Variants in UBA7 observed in about 807,000 individuals in gnomAD.
UBA7 encodes the protein ubiquitin-like modifier-activating enzyme 7.
Under a neutral mutation model 113.0 loss-of-function variants are expected in UBA7, and 88 were observed. The observed-to-expected ratio is 0.78, with a 90% confidence interval of 0.66 to 0.93. UBA7 has a LOEUF of 0.93. UBA7 is among the 40% of genes least tolerant of loss of function. The pLI, the probability that UBA7 is intolerant of heterozygous loss-of-function variation, is 0.00. For synonymous variants in UBA7, 459 were observed against 513.0 expected, an observed-to-expected ratio of 0.89 and a Z score of 1.42; for missense variants, 1,092 against 1,266.4, an observed-to-expected ratio of 0.86 and a Z score of 2.09.
At chr3:49,811,556 G>A (rs922553924) in intron 8 of UBA7, 101 bp from the exon 9 acceptor site, 21 of 1,482,966 alleles carry the variant, frequency 1.4e-5, no homozygotes, top group Admixed American at 6.4e-5. Flanking sequence ...CACAGAAGAG[G>A]AAGCAGAAGC....
Position 49,811,058 on chromosome 3 carries a change from A to G in UBA7, c.1156T>C (p.Trp386Arg). The G allele has an allele frequency of 1.2e-6, 2 of 1,614,096 alleles. No homozygotes were observed. The highest frequency in any genetic ancestry group is 1.7e-6 in the Non-Finnish European group (2 of 1,180,010). ...CAATCGAGGGCATCAAAGTAAAGCC[A>G]CTGGTCCAGAGGCATGAACTTCCTG... ...ISRKFMPLDQ[W>R]LYFDALDCLP... Residue 386 changes from tryptophan (W) to arginine (R), a missense_variant, in exon 10 of 24, where the codon TGG (tryptophan) becomes CGG (arginine). This residue lies in a region of UBA7 where 584 missense variants were observed against 714.5 expected (regional missense o/e 0.82). Transcript: ENST00000333486.
chr3:49,812,646 A>G lies in UBA7; in HGVS notation c.558+2T>C, dbSNP rs770405127. 1.2e-6 allele frequency: 2 copies of G among 1,614,150 alleles called. No homozygotes were observed. The highest frequency in any genetic ancestry group is 1.7e-6 in the Non-Finnish European group (2 of 1,180,022). On this transcript the variant is annotated splice_donor_variant, in intron 5 of 23. Transcript: ENST00000333486. LOFTEE classifies it high-confidence loss of function. ...GGTGAATGCCTACAGCTCAGCACCC[A>G]CCTGGGAGATGTGCTGGATGGCAGC... is the stretch of plus-strand genomic sequence containing the variant.
At chr3:49,805,803 C>G in intron 23 of UBA7, 94 bp downstream of exon 23, 1 of 1,247,062 alleles carries the variant, frequency 8.0e-7, no homozygotes, top group South Asian at 1.3e-5. Flanking sequence ...TGTGAGGGGC[C>G]CAGAATGGGG....
Position 49,811,306 on chromosome 3 carries a change from C to T in UBA7, c.1089G>A (p.Met363Ile). 6.2e-7 allele frequency: 1 copy of T among 1,614,188 alleles called. No homozygotes were observed. Among genetic ancestry groups the T allele is most frequent in the Non-Finnish European group, 8.5e-7 (1 of 1,180,022 alleles). ...CTTCCTGGGCAGCTACTGCACCCAG[C>T]ATGGCCACCATAGGGCTCAAGACAC... ...SAGVLSPMVA[M>I]LGAVAAQEVL... is the part of the protein sequence containing the mutation. Residue 363 changes from methionine (M) to isoleucine (I), a missense_variant, in exon 9 of 24, where the codon ATG (methionine) becomes ATA (isoleucine). Around this residue, in one of 3 missense-constraint regions of UBA7, gnomAD observed 584 missense variants for 714.5 expected, o/e 0.82. Coordinates refer to ENST00000333486, the MANE Select transcript of UBA7 (RefSeq NM_003335.3).
At chr3:49,808,948 C>A in intron 18 of UBA7, 28 bp downstream of exon 18, 1 of 1,606,694 alleles carries the variant, frequency 6.2e-7, no homozygotes, top group South Asian at 1.1e-5. Context: ...TGAAAGACAG[C>A]ATGAGGGGCC....
At chr3:49,812,945 A>T in intron 4 of UBA7, 117 bp downstream of exon 4, 4 of 1,290,784 alleles carry the variant, frequency 3.1e-6, no homozygotes, top group East Asian at 2.5e-5. Flanking sequence ...TCAGAAAGGC[A>T]TGCTGGGATA....
chr3:49,813,909 C>A lies in UBA7; in HGVS notation c.-122G>T, dbSNP rs774573918. 4.6e-6 allele frequency: 5 copies of A among 1,088,672 alleles called. No individual in the cohort carries two copies. The highest frequency in any genetic ancestry group is 2.3e-5 in the Admixed American group (1 of 43,382). 67.4% of individuals were successfully genotyped at this position (1,088,672 alleles called of 1,614,324 possible). A position where few individuals can be genotyped will look rare whatever the true frequency, so the allele number is the denominator to read the frequency against. On this transcript the variant is annotated 5_prime_UTR_variant, in exon 1 of 24. Transcript: ENST00000333486. ...AGTGCAAACAGGAACCAAGGCCAAGCGAATAAGGGACGCTGCTGGTCACAG... is the reference window on the plus strand; with the variant it reads ...AGTGCAAACAGGAACCAAGGCCAAGAGAATAAGGGACGCTGCTGGTCACAG...
chr3:49,809,077 G>T lies in UBA7; in HGVS notation c.2246C>A (p.Ala749Glu), dbSNP rs776921103. ...CAGCAGCTTCAGCAGCTCCCTGAGT[G>T]CAGTCCAGTCCTGTGAGCCAGGCAG... ...HGLPGSQDWT[A>E]LRELLKLLPQ... Residue 749 changes from alanine to glutamate, a missense_variant, in exon 18 of 24, where the codon GCA becomes GAA. Around this residue, in one of 3 missense-constraint regions of UBA7, gnomAD observed 500 missense variants for 529.3 expected, o/e 0.94. Coordinates refer to ENST00000333486, the MANE Select transcript of UBA7 (RefSeq NM_003335.3). 1 of 1,613,630 alleles carries T rather than the reference G, an allele frequency of 6.2e-7. No individual in the cohort carries two copies. The highest frequency in any genetic ancestry group is 1.3e-5 in the African/African-American group (1 of 74,922).
Position 49,806,122 on chromosome 3 carries a change from G to A in UBA7, c.2759C>T (p.Pro920Leu), listed in dbSNP as rs148396845. The change falls in exon 22 of 24, where the codon CCA becomes CTA. Residue 920 changes from proline (P) to leucine (L), a missense_variant. Physicochemically the swap from Pro to Leu is moderately conservative, Grantham distance 98. This residue lies in a region of UBA7 where 500 missense variants were observed against 529.3 expected (regional missense o/e 0.94). Transcript: ENST00000333486. Reference sequence around the variant, plus strand: ...CAGGGTCCTCTCAGGCTGCCCAGCTGGTACCTTCAGACGGTCCCAAGAGGT... The same window carrying A: ...CAGGGTCCTCTCAGGCTGCCCAGCTAGTACCTTCAGACGGTCCCAAGAGGT... Reference protein sequence around the residue: ...KWTSWDRLKVPAGQPERTLES... With the variant: ...KWTSWDRLKVLAGQPERTLES... 4.7e-5 allele frequency: 75 copies of A among 1,602,264 alleles called. No individual in the cohort carries two copies. The African/African-American group carries it at 8.8e-4, about 19-fold the overall frequency.
intron 17 of UBA7, 75 bp from the exon 18 acceptor site, chr3:49,809,234 T>C: frequency 6.5e-7 from 1 of 1,548,538 alleles, no homozygotes; most frequent in South Asian, 1.2e-5. Flanking sequence ...GTGGATCTGT[T>C]TGAGTGCCTG....
chr3:49,810,499 A>C lies in UBA7; in HGVS notation c.1467+18T>G, dbSNP rs771199427. 1 of 1,613,918 alleles carries C rather than the reference A, an allele frequency of 6.2e-7. No homozygotes were observed. Among genetic ancestry groups the C allele is most frequent in the Non-Finnish European group, 8.5e-7 (1 of 1,179,986 alleles). On this transcript the variant is annotated intron_variant, in intron 12 of 23. Coordinates refer to ENST00000333486, the MANE Select transcript of UBA7 (RefSeq NM_003335.3). The surrounding 1 kb of genome is among the most constrained non-coding windows in gnomAD (Gnocchi z 5.6). ...GACGGTCTGGGATGCAGGAGTGTGG[A>C]GAGGGGTCAGCACTCACACCAACGT...
rs758140828 is a variant in UBA7, at chr3:49,813,185, A to T, written c.361-17T>A. ...CACCACCACCTGGGTGGACACAGTGATCAGCAGGGCCAAAACCATTGCCCA... is the reference window on the plus strand; with the variant it reads ...CACCACCACCTGGGTGGACACAGTGTTCAGCAGGGCCAAAACCATTGCCCA... On this transcript the variant is annotated splice_polypyrimidine_tract_variant and intron_variant, in intron 3 of 23. Coordinates refer to ENST00000333486, the MANE Select transcript of UBA7 (RefSeq NM_003335.3). The T allele has an allele frequency of 4.3e-6, 7 of 1,613,746 alleles. No individual in the cohort carries two copies. In the African/African-American group the frequency reaches 9.3e-5, roughly 22 times the overall value.
chr3:49,809,850 G>A lies in UBA7; in HGVS notation c.1869C>T (p.Phe623=). Residue 623 remains phenylalanine (F), a synonymous_variant, in exon 15 of 24, where the codon TTC becomes TTT. Coordinates refer to ENST00000333486, the MANE Select transcript of UBA7 (RefSeq NM_003335.3). The part of the protein sequence containing the change: ...QWARHEFEEL[F]RLSAETINHH... ...GGTTGATGGTCTCTGCAGACAGTCG[G>A]AAGAGTTCTTCAAACTCATGCCGGG... 4 of 1,614,186 alleles carry A rather than the reference G, an allele frequency of 2.5e-6. No individual in the cohort carries two copies. Among genetic ancestry groups the A allele is most frequent in the Non-Finnish European group, 3.4e-6 (4 of 1,180,040 alleles).
chr3:49,813,318 CT>C lies in UBA7; in HGVS notation c.290del (p.Gln97ArgfsTer28). On this transcript the variant is annotated frameshift_variant, in exon 3 of 24. Transcript: ENST00000333486. LOFTEE classifies it high-confidence loss of function. ...RAEASQELLAQLNRAVQVVVH... is the reference protein window; with the variant it reads ...RAEASQELLAXLNRAVQVVVH... ...CGACGACCTGGACAGCTCTGTTGAG[CT>C]GAGCCAAGAGCTCTTGAGAGGCCTC... 2 of 1,614,204 alleles carry C rather than the reference CT, an allele frequency of 1.2e-6. No homozygotes were observed. The highest frequency in any genetic ancestry group is 1.7e-6 in the Non-Finnish European group (2 of 1,180,042).
chr3:49,811,649 T>C, intron 8 of UBA7, 194 bp from the exon 9 acceptor site: 1 of 1,110,910 alleles, frequency 9.0e-7, no homozygotes. Flanking sequence ...TCCAGGAGGC[T>C]TCACTAATCT....
At chr3:49,806,029 C>CGGGCTGGGCTGAGCCTGG (rs1375899028) in intron 22 of UBA7, 32 bp from the exon 23 acceptor site, 27 of 1,569,438 alleles carry the variant, frequency 1.7e-5, no homozygotes, top group Non-Finnish European at 2.3e-5. Flanking sequence ...CCAGCTGGGC[C>CGGGCTGGGCTGAGCCTGG]GGGCTGGGCT....
intron 18 of UBA7, 136 bp downstream of exon 18, chr3:49,808,840 A>C: frequency 9.1e-7 from 1 of 1,104,434 alleles, no homozygotes; most frequent in Non-Finnish European, 1.3e-6. Flanking sequence ...TGGAGGAGTG[A>C]GGTTAGGAGG....
chr3:49,805,833 T>C (rs1016729457), intron 23 of UBA7, 64 bp downstream of exon 23: 11 of 1,440,784 alleles, frequency 7.6e-6, no homozygotes, highest in Non-Finnish European at 1.0e-5. Flanking sequence ...CAAAAGGCAG[T>C]GTGGTCCCTA....
rs190943943 is a variant in UBA7 at position 49,810,196 on chromosome 3, C to G, written c.1634-13G>C. 18 of 1,612,616 alleles carry G rather than the reference C, an allele frequency of 1.1e-5. No individual in the cohort carries two copies. In the African/African-American group the frequency reaches 1.6e-4, roughly 14 times the overall value. On this transcript the variant is annotated splice_polypyrimidine_tract_variant and intron_variant, in intron 13 of 23. Transcript: ENST00000333486. The surrounding 1 kb of genome is among the most constrained non-coding windows in gnomAD (Gnocchi z 5.6). ...GCCACATAGCGCCCTGGCAAGGGAG[C>G]AGTGGGTCAGAAGTGGGACTGGCAC... is the stretch of plus-strand genomic sequence containing the variant.
Sources: allele counts gnomAD v4.1 joint callset, GRCh38; gene constraint gnomAD v4.1.1; regional missense constraint gnomAD v4.1.1; non-coding constraint Gnocchi (gnomAD v3.1); transcripts MANE v1.5; gene names NCBI Gene and HGNC (gene_info 2026-07-23, HGNC 2026-07-21).